Variants in SLC7A9 observed in about 807,000 individuals in gnomAD.
SLC7A9 encodes the protein solute carrier family 7 member 9, also known as B(0,+)-type amino acid transporter 1.
A neutral mutation model predicts 54.1 loss-of-function variants in SLC7A9; 38 were observed. The observed-to-expected ratio is 0.70, with a 90% confidence interval of 0.54 to 0.92. The LOEUF is 0.92. Among genes scored for constraint, SLC7A9 ranks in the 40% least tolerant of loss-of-function variants. The pLI, the probability that SLC7A9 is intolerant of heterozygous loss-of-function variation, is 0.00. For missense variants in SLC7A9, 537 were observed against 636.1 expected, an observed-to-expected ratio of 0.84 and a Z score of 1.68; for synonymous variants, 264 against 258.9, an observed-to-expected ratio of 1.02 and a Z score of -0.19.
chr19:32,842,857 A>C (rs1968168501), intron 10 of SLC7A9, among the ~76,000 whole-genome samples: 1 of 151,806 alleles, frequency 6.6e-6, no homozygotes, highest in African/African-American at 2.4e-5. Context: ...TTTTGCACCA[A>C]CCTAATATGT....
intron 11 of SLC7A9, among the ~76,000 whole-genome samples, chr19:32,834,118 CGTT>C (rs1318024829): frequency 1.3e-5 from 2 of 152,096 alleles, no homozygotes; most frequent in African/African-American, 4.8e-5. Context: ...TCATTGTTCA[CGTT>C]GTTCAGAAGG....
intron 2 of SLC7A9, among the ~76,000 whole-genome samples, chr19:32,865,344 C>A (rs985036099): frequency 6.6e-6 from 1 of 152,194 alleles, no homozygotes; most frequent in Non-Finnish European, 1.5e-5. Flanking sequence ...CTCTCTGTCA[C>A]CCAGGCTGGA....
At chr19:32,837,629 AAACAG>A (rs1968000823) in intron 11 of SLC7A9, among the ~76,000 whole-genome samples, 1 of 151,862 alleles carries the variant, frequency 6.6e-6, no homozygotes, top group Admixed American at 6.6e-5. Flanking sequence ...TTTGGTGACC[AAACAG>A]TTAACATGGT....
intron 2 of SLC7A9, among the ~76,000 whole-genome samples, chr19:32,866,565 C>T (rs1429354534): frequency 2.6e-5 from 4 of 152,226 alleles, no homozygotes; most frequent in Admixed American, 1.3e-4. Flanking sequence ...GCTAAGGTTA[C>T]AGGCGTGTGC....
In SLC7A9 at chr19:32,865,934, GC is replaced by G. The variant is rs1968953986; in HGVS notation, c.88-1159del. ...GCAGTGAGCCACTACAATCACTCCA[GC>G]CTGGGTGACAGTGAGACTGTCTCAA... On this transcript the variant is annotated intron_variant, in intron 2 of 12. Coordinates refer to ENST00000023064, the MANE Select transcript of SLC7A9 (RefSeq NM_014270.5). 4.2e-5 allele frequency among the ~76,000 whole-genome samples: 6 copies of G among 142,470 alleles called. No individual in the cohort carries two copies. The South Asian group carries it at 1.4e-3, about 32-fold the overall frequency. 93.5% of individuals were successfully genotyped at this position (142,470 alleles called of 152,430 possible).
At chr19:32,840,868 C>T (rs1968108824) in intron 11 of SLC7A9, among the ~76,000 whole-genome samples, 1 of 152,170 alleles carries the variant, frequency 6.6e-6, no homozygotes, top group Admixed American at 6.5e-5. Flanking sequence ...GGGGCATCCA[C>T]TTAGAGTCTG....
rs779732979 is a variant in SLC7A9, at chr19:32,858,431, G to T, written c.977+9C>A. On this transcript the variant is annotated intron_variant, in intron 9 of 12. Coordinates refer to ENST00000023064, the MANE Select transcript of SLC7A9 (RefSeq NM_014270.5). ...GTCCACCCTGGGAGTGACGGTGGGGGTCCCCTACCTGCCCGCTGTGAAGCA... is the reference window on the plus strand; with the variant it reads ...GTCCACCCTGGGAGTGACGGTGGGGTTCCCCTACCTGCCCGCTGTGAAGCA... 5.0e-6 allele frequency: 8 copies of T among 1,603,684 alleles called. No individual in the cohort carries two copies. In the South Asian group the frequency reaches 7.7e-5, roughly 15 times the overall value.
intron 9 of SLC7A9, 57 bp downstream of exon 9, chr19:32,858,383 G>C (rs921626297): frequency 4.2e-6 from 5 of 1,189,960 alleles, no homozygotes; most frequent in South Asian, 2.4e-5. Context: ...TTCCTCGGGG[G>C]TGATATTGCT....
At chr19:32,864,831 A>G in intron 2 of SLC7A9, 55 bp from the exon 3 acceptor site, 2 of 1,611,636 alleles carry the variant, frequency 1.2e-6, no homozygotes, top group South Asian at 1.1e-5. Context: ...CCAGCCCAGA[A>G]GGCCAGGTGC....
intron 11 of SLC7A9, among the ~76,000 whole-genome samples, chr19:32,838,047 G>A (rs1040991732): frequency 6.6e-6 from 1 of 152,164 alleles, no homozygotes. Flanking sequence ...AGAGGTCTTG[G>A]AGTCAGGACA....
chr19:32,862,671 T>G (rs934425066), intron 4 of SLC7A9, 85 bp from the exon 5 acceptor site: 2 of 1,206,186 alleles, frequency 1.7e-6, no homozygotes. Flanking sequence ...ATTTTTTATT[T>G]TTTTTTTTTT....
Position 32,863,851 on chromosome 19 carries a change from C to G in SLC7A9, c.478+245G>C, listed in dbSNP as rs377538687. 4.1e-3 allele frequency among the ~76,000 whole-genome samples: 622 copies of G among 152,344 alleles called. 4 individuals are homozygous for G. The highest frequency in any genetic ancestry group is 0.014 in the African/African-American group (584 of 41,580). On this transcript the variant is annotated intron_variant, in intron 4 of 12. Coordinates refer to ENST00000023064, the MANE Select transcript of SLC7A9 (RefSeq NM_014270.5). ...CTGGGATTACAGGCACCTGCCACCA[C>G]GCCAGGAGAAGCTGGGCCCTGAGCC...
chr19:32,865,158 C>A (rs1168206281), intron 2 of SLC7A9, among the ~76,000 whole-genome samples: 1 of 152,148 alleles, frequency 6.6e-6, no homozygotes, highest in Admixed American at 6.6e-5. Flanking sequence ...CAACAGCTCA[C>A]CAATAAGAAA....
At position 32,842,318 on chromosome 19, in the gene SLC7A9, C is replaced by T. The variant is rs990327667; in HGVS notation, c.1075-1G>A. 1 of 1,612,986 alleles carries T rather than the reference C, an allele frequency of 6.2e-7. No homozygotes were observed. Among genetic ancestry groups the T allele is most frequent in the East Asian group, 2.2e-5 (1 of 44,874 alleles). ...TGATATAAATCGTTGCTATGATACC[C>T]TAATAGAAAGAAGAATGGATTTGTA... On this transcript the variant is annotated splice_acceptor_variant, in intron 10 of 12. Transcript: ENST00000023064. LOFTEE classifies it high-confidence loss of function.
rs1165851723 is a variant in SLC7A9 at position 32,860,622 on chromosome 19, GTTC to G, written c.730_732del (p.Glu244del). The G allele has an allele frequency of 8.1e-6, 13 of 1,614,164 alleles. No homozygotes were observed. The highest frequency in any genetic ancestry group is 1.1e-5 in the Non-Finnish European group (13 of 1,180,016). ...AGCTGTTACCTGTAAGGGTTTCTAA[GTTC>G]TTCTGTGATGTAATTGAGTTGATTC... is the stretch of plus-strand genomic sequence containing the variant. On this transcript the variant is annotated inframe_deletion, in exon 7 of 13. Transcript: ENST00000023064.
At chr19:32,833,746 G>C (rs931580398) in intron 11 of SLC7A9, among the ~76,000 whole-genome samples, 1 of 151,736 alleles carries the variant, frequency 6.6e-6, no homozygotes, top group African/African-American at 2.4e-5. Context: ...GCAGTGAGCC[G>C]AGATTGCACC....
At chr19:32,849,222 T>C (rs1433715751) in intron 9 of SLC7A9, among the ~76,000 whole-genome samples, 1 of 152,046 alleles carries the variant, frequency 6.6e-6, no homozygotes, top group Non-Finnish European at 1.5e-5. Context: ...CAAAAAACCC[T>C]TCAAAAAATT....
chr19:32,830,533 TA>T lies in SLC7A9; in HGVS notation c.*86del, dbSNP rs1403956212. ...ATATTTTAAACATCTGAGTATATTT[TA>T]TTCGTAAGAAAAAAAGGAAGAAATA... On this transcript the variant is annotated 3_prime_UTR_variant, in exon 13 of 13. Coordinates refer to ENST00000023064, the MANE Select transcript of SLC7A9 (RefSeq NM_014270.5). The T allele has an allele frequency of 4.0e-6, 4 of 1,007,524 alleles. No homozygotes were observed. Among genetic ancestry groups the T allele is most frequent in the Non-Finnish European group, 6.4e-6 (4 of 629,728 alleles). 62.4% of individuals were successfully genotyped at this position (1,007,524 alleles called of 1,614,324 possible).
At chr19:32,840,744 A>C (rs1030113976) in intron 11 of SLC7A9, among the ~76,000 whole-genome samples, 1 of 152,134 alleles carries the variant, frequency 6.6e-6, no homozygotes, top group South Asian at 2.1e-4. Flanking sequence ...TCAAGGGCTT[A>C]AGCCACTGCA....
Sources: allele counts gnomAD v4.1 joint callset (sites outside exome capture counted in the v4.1 genomes callset), GRCh38; gene constraint gnomAD v4.1.1; transcripts MANE v1.5; gene names NCBI Gene and HGNC (gene_info 2026-07-23, HGNC 2026-07-21).